PDZD2: variants seen among roughly 807,000 people sequenced by gnomAD.
PDZD2 encodes the protein PDZ domain-containing protein 2.
A neutral mutation model predicts 220.7 loss-of-function variants in PDZD2; 90 were observed. The observed-to-expected ratio is 0.41, with a 90% CI of 0.34 to 0.49. The LOEUF is 0.49. Among genes scored for constraint, PDZD2 ranks in the 20% least tolerant of loss-of-function variants. The pLI is 0.28. For synonymous variants in PDZD2, 1,375 were observed against 1,450.5 expected (o/e 0.95, Z 1.18); for missense variants, 3,174 against 3,608.5 (o/e 0.88, Z 3.08).
chr5:32,074,091 T>A lies in PDZD2; in HGVS notation c.2985T>A (p.Pro995=). 6.2e-7 allele frequency: 1 copy of A among 1,614,202 alleles called. No individual in the cohort carries two copies. Among genetic ancestry groups the A allele is most frequent in the South Asian group, 1.1e-5 (1 of 91,080 alleles). The change falls in exon 18 of 25, where the codon CCT becomes CCA. Residue 995 remains proline (P), a synonymous_variant. Coordinates refer to ENST00000438447, the MANE Select transcript of PDZD2 (RefSeq NM_178140.4). ...LPGALPGPIR[P]LSEDDPRRVS... is the part of the protein sequence containing the mutation. ...GGGCCCTCCCGGGTCCCATCAGGCC[T>A]CTGTCAGAGGATGACCCGAGGCGTG...
chr5:31,649,431 A>G (rs10071670), intron 1 of PDZD2, among the ~76,000 whole-genome samples: 10,619 of 151,712 alleles, frequency 0.07, 471 homozygotes, highest in African/African-American at 0.12. Flanking sequence ...TCACAAGAAC[A>G]TATGATCTAA....
rs545923936 is a variant in PDZD2, at chr5:31,751,242, C to CAAAA, written c.-360-47635_-360-47632dup. ...GGTGACAAGAGCGAAAGTACATCTC[C>CAAAA]AAAAAAAAAAAAAAAGAGAGTGGCA... On this transcript the variant is annotated intron_variant, in intron 1 of 24. Transcript: ENST00000438447. 4.3e-3 allele frequency among the ~76,000 whole-genome samples: 563 copies of CAAAA among 131,528 alleles called. 6 individuals are homozygous for CAAAA. Among genetic ancestry groups the CAAAA allele is most frequent in the East Asian group, 0.014 (60 of 4,292 alleles). 86.3% of individuals were successfully genotyped at this position (131,528 alleles called of 152,430 possible).
At chr5:32,043,865 G>C (rs1273830606) in intron 7 of PDZD2, among the ~76,000 whole-genome samples, 1 of 152,076 alleles carries the variant, frequency 6.6e-6, no homozygotes, top group Non-Finnish European at 1.5e-5. Context: ...GACCTAAAGT[G>C]ATCCACCTGC....
chr5:31,670,048 T>G (rs1163711604), intron 1 of PDZD2, among the ~76,000 whole-genome samples: 1 of 152,096 alleles, frequency 6.6e-6, no homozygotes, highest in Non-Finnish European at 1.5e-5. Context: ...AAGCAGCGGG[T>G]GAGGAATCTG....
chr5:31,927,410 T>G (rs11952132), intron 2 of PDZD2, among the ~76,000 whole-genome samples: 115,317 of 151,914 alleles, frequency 0.76, 43,908 homozygotes, highest in Middle Eastern at 0.84. Flanking sequence ...TTTGAGACAG[T>G]GTCTCACTCT....
intron 2 of PDZD2, among the ~76,000 whole-genome samples, chr5:31,851,582 C>A (rs898187837): frequency 2.0e-5 from 3 of 152,174 alleles, no homozygotes; most frequent in African/African-American, 7.2e-5. Context: ...ATTCTGTTAA[C>A]GTATCAGCAG....
At position 32,071,421 on chromosome 5, in the gene PDZD2, G is replaced by A. The variant is rs1370819104; in HGVS notation, c.2568+3G>A. 1.2e-6 allele frequency: 2 copies of A among 1,606,914 alleles called. No homozygotes were observed. The highest frequency in any genetic ancestry group is 1.1e-5 in the South Asian group (1 of 90,944). On this transcript the variant is annotated splice_donor_region_variant and intron_variant, in intron 16 of 24. Transcript: ENST00000438447. ...AGAGTCCCTCTCTTGCAAAAAAGGT[G>A]AGTCAAGGTGAACTGCTACCTGCCT...
chr5:31,813,636 A>G (rs1170979905), intron 2 of PDZD2, among the ~76,000 whole-genome samples: 2 of 152,178 alleles, frequency 1.3e-5, no homozygotes, highest in Non-Finnish European at 2.9e-5. Flanking sequence ...AAAGCTACAT[A>G]CCAGTAGAAA....
intron 1 of PDZD2, among the ~76,000 whole-genome samples, chr5:31,766,964 G>A (rs1752059699): frequency 6.6e-6 from 1 of 150,412 alleles, no homozygotes; most frequent in Non-Finnish European, 1.5e-5. Flanking sequence ...CTGACCTCAG[G>A]TGATCCACCC....
intron 2 of PDZD2, among the ~76,000 whole-genome samples, chr5:31,925,931 T>C (rs140633965): frequency 1.3e-5 from 2 of 152,192 alleles, no homozygotes; most frequent in Non-Finnish European, 2.9e-5. Context: ...CCAATGGCAG[T>C]TATTTATGAA....
intron 2 of PDZD2, among the ~76,000 whole-genome samples, chr5:31,853,312 G>A (rs1184893646): frequency 6.6e-6 from 1 of 152,200 alleles, no homozygotes; most frequent in South Asian, 2.1e-4. Flanking sequence ...CTGGGCACAT[G>A]TAGTGTTCTC....
chr5:32,082,309 G>A (rs554835326), intron 19 of PDZD2, among the ~76,000 whole-genome samples: 132 of 152,100 alleles, frequency 8.7e-4, no homozygotes, highest in South Asian at 2.1e-3. Flanking sequence ...GGCATAAGCC[G>A]CTGCGCCTAG....
intron 5 of PDZD2, among the ~76,000 whole-genome samples, chr5:32,006,827 C>A (rs1752849874): frequency 6.6e-6 from 1 of 150,948 alleles, no homozygotes. Flanking sequence ...GTGGCTGGGA[C>A]CATAGGCACG....
At chr5:32,079,726 G>A (rs749020601) in intron 19 of PDZD2, among the ~76,000 whole-genome samples, 7 of 151,862 alleles carry the variant, frequency 4.6e-5, no homozygotes, top group Non-Finnish European at 8.8e-5. Flanking sequence ...CAGGAGAATC[G>A]TTTAAACCCA....
intron 6 of PDZD2, among the ~76,000 whole-genome samples, chr5:32,027,061 C>T (rs1338516468): frequency 6.6e-6 from 1 of 152,134 alleles, no homozygotes; most frequent in African/African-American, 2.4e-5. Context: ...TGCCACCACG[C>T]CCGGCTGATT....
chr5:32,105,855 G>A (rs1383264315), intron 24 of PDZD2, among the ~76,000 whole-genome samples: 1 of 152,180 alleles, frequency 6.6e-6, no homozygotes, highest in Non-Finnish European at 1.5e-5. Flanking sequence ...ATCCAAAATA[G>A]CAGTGGTTTA....
At chr5:31,901,273 C>T (rs898546570) in intron 2 of PDZD2, among the ~76,000 whole-genome samples, 3 of 152,030 alleles carry the variant, frequency 2.0e-5, no homozygotes, top group African/African-American at 7.2e-5. Flanking sequence ...CAAAAATTAG[C>T]CAGGCGTGGT....
At chr5:31,849,064 T>A (rs564762079) in intron 2 of PDZD2, among the ~76,000 whole-genome samples, 1 of 152,238 alleles carries the variant, frequency 6.6e-6, no homozygotes, top group Admixed American at 6.5e-5. Context: ...ATGAACTTGG[T>A]CCTTCCTTTC....
At chr5:31,865,823 G>A (rs1738178181) in intron 2 of PDZD2, among the ~76,000 whole-genome samples, 1 of 151,034 alleles carries the variant, frequency 6.6e-6, no homozygotes, top group African/African-American at 2.4e-5. Flanking sequence ...AGTAGAGGCT[G>A]GGTTTCACCG....
Sources: allele counts gnomAD v4.1 joint callset (sites outside exome capture counted in the v4.1 genomes callset), GRCh38; gene constraint gnomAD v4.1.1; transcripts MANE v1.5; gene names NCBI Gene and HGNC (gene_info 2026-07-23, HGNC 2026-07-21).